The following SYN3 variants were observed in gnomAD, a reference collection of about 807,000 sequenced individuals.
SYN3 encodes the protein synapsin III.
SYN3 carries 35 observed loss-of-function variants against 65.8 expected under a neutral mutation model. That is an observed-to-expected ratio of 0.53 (90% CI 0.41 to 0.70). The LOEUF (loss-of-function observed/expected upper bound fraction) is 0.70. Ranked by LOEUF, SYN3 falls within the 30% of genes least tolerant of loss-of-function variation. The pLI, the probability that SYN3 is intolerant of heterozygous loss-of-function variation, is 0.00. For synonymous variants in SYN3, 270 were observed against 292.9 expected, an observed-to-expected ratio of 0.92 and a Z score of 0.80; for missense variants, 680 against 749.0, an observed-to-expected ratio of 0.91 and a Z score of 1.08.
chr22:32,727,275 A>G (rs897788207), intron 6 of SYN3, among the ~76,000 whole-genome samples: 3 of 152,194 alleles, frequency 2.0e-5, no homozygotes, highest in Non-Finnish European at 4.4e-5. Flanking sequence ...TGCTGAGGAT[A>G]ATGGCTTACA....
intron 3 of SYN3, among the ~76,000 whole-genome samples, chr22:32,953,888 A>T (rs969253115): frequency 6.6e-6 from 1 of 152,152 alleles, no homozygotes; most frequent in Non-Finnish European, 1.5e-5. Flanking sequence ...TAGGGAGTCA[A>T]GTTTGAGAAA....
chr22:32,596,067 G>A (rs1423242556), intron 7 of SYN3, among the ~76,000 whole-genome samples: 1 of 151,916 alleles, frequency 6.6e-6, no homozygotes, highest in African/African-American at 2.4e-5. Flanking sequence ...ACAGAGCGAG[G>A]CTCTGTCTCA....
intron 4 of SYN3, among the ~76,000 whole-genome samples, chr22:32,875,132 T>C (rs751192095): frequency 6.6e-6 from 1 of 151,996 alleles, no homozygotes; most frequent in Non-Finnish European, 1.5e-5. Flanking sequence ...AAAAAGAAAT[T>C]AGGTGGCAGC....
intron 4 of SYN3, among the ~76,000 whole-genome samples, chr22:32,874,048 T>G (rs1335681156): frequency 1.3e-5 from 2 of 152,080 alleles, no homozygotes; most frequent in Non-Finnish European, 2.9e-5. Context: ...GCACAAGAAT[T>G]GCTTGAACCA....
At chr22:32,998,619 C>T (rs2052956931) in intron 2 of SYN3, among the ~76,000 whole-genome samples, 1 of 151,974 alleles carries the variant, frequency 6.6e-6, no homozygotes, top group South Asian at 2.1e-4. Flanking sequence ...CCCAACAGCC[C>T]TCCTCCCCAT....
chr22:32,737,996 G>A (rs1395506543), intron 6 of SYN3, among the ~76,000 whole-genome samples: 1 of 152,188 alleles, frequency 6.6e-6, no homozygotes, highest in East Asian at 1.9e-4. Flanking sequence ...TCTTCTTGTG[G>A]TAAGCCACTG....
At chr22:32,782,655 C>CCACA (rs895614589) in intron 6 of SYN3, among the ~76,000 whole-genome samples, 6 of 151,862 alleles carry the variant, frequency 4.0e-5, no homozygotes, top group Non-Finnish European at 7.4e-5. Context: ...GTAGCTGGGA[C>CCACA]CACAGGCGCA....
At chr22:32,868,459 A>G (rs2048749217) in intron 5 of SYN3, among the ~76,000 whole-genome samples, 1 of 151,712 alleles carries the variant, frequency 6.6e-6, no homozygotes, top group South Asian at 2.1e-4. Flanking sequence ...CTTTTTTTCG[A>G]GACAGAGTTT....
chr22:32,767,085 C>T lies in SYN3; in HGVS notation c.711+97830G>A. Among the ~76,000 whole-genome samples the T allele has an allele frequency of 1.3e-5, 2 of 152,132 alleles. 1 individual carries two copies. Among genetic ancestry groups the T allele is most frequent in the Non-Finnish European group, 2.9e-5 (2 of 68,030 alleles). ...CCGGGATAGAATGAATCCTATTCTCCAATCATCGGAATTGACTCAATCCCT... is the reference window on the plus strand; with the variant it reads ...CCGGGATAGAATGAATCCTATTCTCTAATCATCGGAATTGACTCAATCCCT... On this transcript the variant is annotated intron_variant, in intron 6 of 13. Transcript: ENST00000358763.
intron 4 of SYN3, among the ~76,000 whole-genome samples, chr22:32,905,582 C>T (rs541650355): frequency 5.5e-4 from 84 of 152,346 alleles, no homozygotes; most frequent in African/African-American, 1.7e-3. Flanking sequence ...TTCTCACAGG[C>T]GCATTGCCAG....
At chr22:32,688,319 T>C (rs2060618888) in intron 6 of SYN3, among the ~76,000 whole-genome samples, 1 of 152,192 alleles carries the variant, frequency 6.6e-6, no homozygotes, top group South Asian at 2.1e-4. Context: ...CCTGTGCTTC[T>C]GGTTCTACTG....
At chr22:32,953,539 G>A (rs1191531660) in intron 3 of SYN3, among the ~76,000 whole-genome samples, 1 of 151,520 alleles carries the variant, frequency 6.6e-6, no homozygotes, top group Non-Finnish European at 1.5e-5. Flanking sequence ...GCGGGGGAGG[G>A]GGCTTTCCAG....
intron 6 of SYN3, among the ~76,000 whole-genome samples, chr22:32,857,700 G>A (rs2048410112): frequency 6.6e-6 from 1 of 152,200 alleles, no homozygotes; most frequent in Admixed American, 6.5e-5. Context: ...TAGGCAGTCA[G>A]TGTAGTAAAG....
chr22:32,532,246 C>G (rs1297842658), intron 10 of SYN3, among the ~76,000 whole-genome samples: 3 of 152,294 alleles, frequency 2.0e-5, no homozygotes, highest in Non-Finnish European at 4.4e-5. Context: ...GGGTTCATGT[C>G]TGGTGGTCCC....
At chr22:32,738,027 T>C (rs1255995737) in intron 6 of SYN3, among the ~76,000 whole-genome samples, 2 of 152,186 alleles carry the variant, frequency 1.3e-5, no homozygotes, top group Non-Finnish European at 2.9e-5. Flanking sequence ...GGTTTTTCTG[T>C]TGTAGCAACT....
At chr22:32,518,475 A>C (rs1459412623) in intron 12 of SYN3, 141 bp from the exon 13 acceptor site, 1 of 960,040 alleles carries the variant, frequency 1.0e-6, no homozygotes, top group East Asian at 2.6e-5. Context: ...ATAAATACCT[A>C]ACCATAAGGA....
At chr22:33,046,667 C>T (rs1216670647) in intron 1 of SYN3, among the ~76,000 whole-genome samples, 1 of 151,884 alleles carries the variant, frequency 6.6e-6, no homozygotes, top group African/African-American at 2.4e-5. Flanking sequence ...ATGGTAAAAC[C>T]CTGTCTTTAC....
At chr22:32,714,758 T>C (rs867981388) in intron 6 of SYN3, among the ~76,000 whole-genome samples, 11 of 152,218 alleles carry the variant, frequency 7.2e-5, no homozygotes, top group African/African-American at 2.7e-4. Flanking sequence ...ACTTCCTGGC[T>C]GTATGAAATT....
At chr22:32,553,400 A>G (rs560809508) in intron 7 of SYN3, among the ~76,000 whole-genome samples, 13 of 152,384 alleles carry the variant, frequency 8.5e-5, no homozygotes, top group Admixed American at 5.2e-4. Context: ...AGATATCAAA[A>G]GGAAATCTGG....
Sources: allele counts gnomAD v4.1 joint callset (sites outside exome capture counted in the v4.1 genomes callset), GRCh38; gene constraint gnomAD v4.1.1; transcripts MANE v1.5; gene names NCBI Gene and HGNC (gene_info 2026-07-23, HGNC 2026-07-21).